Variants in ADRA1B observed in about 807,000 individuals in gnomAD.
ADRA1B encodes alpha-1B adrenergic receptor.
A neutral mutation model predicts 17.9 loss-of-function variants in ADRA1B; 17 were observed. The ratio of observed to expected loss-of-function variants is 0.95; its 90% CI spans 0.65 to 1.42. ADRA1B has a LOEUF of 1.42. Ranked by LOEUF, ADRA1B falls within the 40% of genes most tolerant of loss-of-function variation. The probability of loss-of-function intolerance (pLI) is 0.00; values close to 1 mark genes in which losing one functional copy is unlikely to be tolerated. For missense variants in ADRA1B, 681 were observed against 722.1 expected (o/e 0.94, Z 0.65); for synonymous variants, 366 against 327.6 (o/e 1.12, Z -1.27).
At chr5:159,899,275 G>GAAGA (rs1754072383) in intron 1 of ADRA1B, among the ~76,000 whole-genome samples, 11 of 124,202 alleles carry the variant, frequency 8.9e-5, no homozygotes, top group South Asian at 5.5e-4. Flanking sequence ...AGGAAGGAAG[G>GAAGA]AAGGAAGGAA....
chr5:159,899,948 T>C (rs566563906), intron 1 of ADRA1B, among the ~76,000 whole-genome samples: 33 of 151,098 alleles, frequency 2.2e-4, no homozygotes, highest in African/African-American at 7.7e-4. Context: ...AGATGAGAAG[T>C]AAGGCTGTAA....
intron 1 of ADRA1B, among the ~76,000 whole-genome samples, chr5:159,876,471 C>T (rs1258691645): frequency 1.3e-5 from 2 of 152,122 alleles, no homozygotes; most frequent in Non-Finnish European, 1.5e-5. Flanking sequence ...GACTCAGATC[C>T]CATTTGCCAG....
chr5:159,866,848 A>G (rs1043004934), intron 1 of ADRA1B: 1 of 152,220 alleles, frequency 6.6e-6, no homozygotes, highest in Non-Finnish European at 1.5e-5. Flanking sequence ...TTTTGATGAA[A>G]AAAATGAGGA....
Position 159,972,051 on chromosome 5 carries a change from A to ACGC in ADRA1B, c.1134_1136dup (p.Arg380dup), listed in dbSNP as rs745969860. 3.3e-5 allele frequency: 45 copies of ACGC among 1,348,834 alleles called. No individual in the cohort carries two copies. Among genetic ancestry groups the ACGC allele is most frequent in the African/African-American group, 9.5e-5 (6 of 63,256 alleles). The allele number at this position is 1,348,834 out of a possible 1,614,324, so 83.6% of individuals were successfully genotyped here. ...AGTGCCGCGGCCGCGGCCGCCGCCG[A>ACGC]CGCCGCCGCCGCCGTCGCCTGGGCG... On this transcript the variant is annotated inframe_insertion, in exon 2 of 2. Coordinates refer to ENST00000306675, the MANE Select transcript of ADRA1B (RefSeq NM_000679.4).
At chr5:159,941,891 G>A (rs1433477914) in intron 1 of ADRA1B, among the ~76,000 whole-genome samples, 1 of 151,120 alleles carries the variant, frequency 6.6e-6, no homozygotes, top group Non-Finnish European at 1.5e-5. Flanking sequence ...AAGGGGAAAT[G>A]AGATGACTGC....
chr5:159,980,093 G>T, the ADRA1B span, among the ~76,000 whole-genome samples: 4 of 152,012 alleles, frequency 2.6e-5, no homozygotes, highest in South Asian at 8.3e-4. Context: ...GGCAGCAAAA[G>T]AGAAAGGTGG....
Position 159,917,370 on chromosome 5 carries a change from G to A in ADRA1B, c.465G>A (p.Thr155=). The A allele has an allele frequency of 6.2e-7, 1 of 1,614,106 alleles. No individual in the cohort carries two copies. The highest frequency in any genetic ancestry group is 1.3e-5 in the African/African-American group (1 of 75,034). Residue 155 remains threonine, a synonymous_variant, in exon 1 of 2, where the codon ACG becomes ACA. Transcript: ENST00000306675. Reference sequence around the variant, plus strand: ...TGCGCTACTCTCTGCAGTATCCCACGCTGGTCACCCGGAGGAAGGCCATCT... The same window carrying A: ...TGCGCTACTCTCTGCAGTATCCCACACTGGTCACCCGGAGGAAGGCCATCT... ...IGVRYSLQYP[T]LVTRRKAILA...
chr5:159,923,125 C>T (rs1316652268), intron 1 of ADRA1B, among the ~76,000 whole-genome samples: 1 of 152,380 alleles, frequency 6.6e-6, no homozygotes, highest in South Asian at 2.1e-4. Context: ...GGAGAACTAA[C>T]AGAGCCCAGA....
chr5:159,935,749 G>A (rs775506660), intron 1 of ADRA1B, among the ~76,000 whole-genome samples: 26 of 152,184 alleles, frequency 1.7e-4, no homozygotes, highest in Non-Finnish European at 3.7e-4. Flanking sequence ...GTTTCGCCAT[G>A]TTGGCCAGGC....
Position 159,877,365 on chromosome 5 carries a change from C to T in ADRA1B, c.-256+12159C>T, listed in dbSNP as rs560279902. Among the ~76,000 whole-genome samples, 13 of 152,216 alleles carry T rather than the reference C, an allele frequency of 8.5e-5. No individual in the cohort carries two copies. In the East Asian group the frequency reaches 1.2e-3, roughly 14 times the overall value. On this transcript the variant is annotated intron_variant, in intron 1 of 2. Coordinates refer to the ADRA1B transcript ENST00000641205. Reference sequence around the variant, plus strand: ...ACTGCACCAGATGGGAAGGTCATGCCGGGAGCCAGCTCTGGAGAAGTCCTT... The same window carrying T: ...ACTGCACCAGATGGGAAGGTCATGCTGGGAGCCAGCTCTGGAGAAGTCCTT...
intron 1 of ADRA1B, among the ~76,000 whole-genome samples, chr5:159,924,604 C>G (rs955724722): frequency 6.6e-6 from 1 of 152,142 alleles, no homozygotes; most frequent in Non-Finnish European, 1.5e-5. Context: ...CCTGTCAGGT[C>G]TGACAGGATG....
rs1226781297 is a variant in ADRA1B at position 159,932,257 on chromosome 5, GATCCTCCCCTTACTTC to G, written c.949+14412_949+14427del. Among the ~76,000 whole-genome samples the G allele has an allele frequency of 3.9e-5, 6 of 151,934 alleles. No homozygotes were observed. In the East Asian group the frequency reaches 7.7e-4, roughly 20 times the overall value. On this transcript the variant is annotated intron_variant, in intron 1 of 1. Transcript: ENST00000306675. ...CAGTCTTGAACTCTTGGACCCAAGC[GATCCTCCCCTTACTTC>G]ATCCTCCCAAGTAGCAGGGACCACA...
chr5:159,935,826 C>T lies in ADRA1B; in HGVS notation c.949+17972C>T, dbSNP rs563023066. 2.0e-3 allele frequency among the ~76,000 whole-genome samples: 301 copies of T among 152,308 alleles called. 2 individuals are homozygous for T. The highest frequency in any genetic ancestry group is 0.012 in the Admixed American group (191 of 15,294). ...CCTCCCACAGTGCTGGGATTACAGGCGTGAGCCACCGCACCTAGCCTCTTC... is the reference window on the plus strand; with the variant it reads ...CCTCCCACAGTGCTGGGATTACAGGTGTGAGCCACCGCACCTAGCCTCTTC... On this transcript the variant is annotated intron_variant, in intron 1 of 1. Coordinates refer to ENST00000306675, the MANE Select transcript of ADRA1B (RefSeq NM_000679.4).
intron 1 of ADRA1B, among the ~76,000 whole-genome samples, chr5:159,953,313 G>A (rs759506328): frequency 6.6e-6 from 1 of 152,098 alleles, no homozygotes; most frequent in Non-Finnish European, 1.5e-5. Context: ...TGAGCCGATC[G>A]TGCCACCGCA....
chr5:159,924,553 A>T (rs1321922001), intron 1 of ADRA1B, among the ~76,000 whole-genome samples: 1 of 152,178 alleles, frequency 6.6e-6, no homozygotes, highest in Non-Finnish European at 1.5e-5. Flanking sequence ...GATCTGGGGC[A>T]GAGGGGCAGG....
rs184206699 is a variant in ADRA1B, at chr5:159,918,223, T to C, written c.949+369T>C. ...GTGTCGGCTAAGGCAGCGTCACTAA[T>C]GCAGCATACAAAATAGTTTGTAGTT... is the stretch of plus-strand genomic sequence containing the variant. On this transcript the variant is annotated intron_variant, in intron 1 of 1. Transcript: ENST00000306675. Among the ~76,000 whole-genome samples the C allele has an allele frequency of 7.9e-5, 12 of 152,352 alleles. No individual in the cohort carries two copies. In the East Asian group the frequency reaches 2.1e-3, roughly 27 times the overall value.
chr5:159,895,217 C>G (rs952751203), intron 1 of ADRA1B, among the ~76,000 whole-genome samples: 2 of 152,168 alleles, frequency 1.3e-5, no homozygotes, highest in African/African-American at 2.4e-5. Flanking sequence ...CAAGACACTA[C>G]CCTTCTAGAC....
chr5:159,891,060 A>AC (rs956295720), intron 1 of ADRA1B, among the ~76,000 whole-genome samples: 4 of 151,560 alleles, frequency 2.6e-5, no homozygotes, highest in South Asian at 2.1e-4. Flanking sequence ...TCCTACACCT[A>AC]CCCCCCCTCT....
intron 1 of ADRA1B, chr5:159,870,794 T>C (rs550489294): frequency 2.0e-5 from 3 of 152,336 alleles, no homozygotes; most frequent in African/African-American, 7.2e-5. Context: ...AAATAGAGGA[T>C]AGTCAAAAGT....
Sources: allele counts gnomAD v4.1 joint callset (sites outside exome capture counted in the v4.1 genomes callset), GRCh38; gene constraint gnomAD v4.1.1; transcripts MANE v1.5; gene names NCBI Gene and HGNC (gene_info 2026-07-23, HGNC 2026-07-21).